Variants in ELAVL2 observed in about 807,000 individuals in gnomAD.
ELAVL2 encodes ELAV like RNA binding protein 2, also known as ELAV-like protein 2.
ELAVL2 carries 4 observed loss-of-function variants against 34.6 expected under a neutral mutation model. The ratio of observed to expected loss-of-function variants is 0.12; its 90% CI spans 0.06 to 0.26. The LOEUF is 0.26. Among genes scored for constraint, ELAVL2 ranks in the 10% least tolerant of loss-of-function variants. The pLI, the probability that ELAVL2 is intolerant of heterozygous loss-of-function variation, is 1.00. For synonymous variants in ELAVL2, 193 were observed against 154.8 expected, an observed-to-expected ratio of 1.25 and a Z score of -1.83; for missense variants, 432 against 442.8, an observed-to-expected ratio of 0.98 and a Z score of 0.22.
chr9:23,782,756 A>T (rs1467116485), intron 1 of ELAVL2, among the ~76,000 whole-genome samples: 2 of 152,224 alleles, frequency 1.3e-5, no homozygotes, highest in Non-Finnish European at 2.9e-5. Flanking sequence ...TCTGCCAATG[A>T]GGCGATTCTA....
In ELAVL2 at chr9:23,704,848, A is replaced by G. The variant is rs2038779069; in HGVS notation, c.487+70T>C. 7.0e-6 allele frequency: 11 copies of G among 1,581,548 alleles called. No individual in the cohort carries two copies. In the Admixed American group the frequency reaches 7.0e-5, roughly 10 times the overall value. On this transcript the variant is annotated intron_variant, in intron 4 of 6. Coordinates refer to ENST00000397312, the MANE Select transcript of ELAVL2 (RefSeq NM_004432.5). ...TTCTAGAAGCAAGACTGCTACATGGAAAGACAGAATATTTCACAATCTGCT... is the reference window on the plus strand; with the variant it reads ...TTCTAGAAGCAAGACTGCTACATGGGAAGACAGAATATTTCACAATCTGCT...
At chr9:23,693,113 C>A (rs1563889259) in intron 6 of ELAVL2, among the ~76,000 whole-genome samples, 1 of 152,184 alleles carries the variant, frequency 6.6e-6, no homozygotes, top group African/African-American at 2.4e-5. Flanking sequence ...ATTCACTGTA[C>A]TGAATATCAT....
chr9:23,733,377 C>G (rs2047078210), intron 2 of ELAVL2, among the ~76,000 whole-genome samples: 1 of 152,066 alleles, frequency 6.6e-6, no homozygotes, highest in African/African-American at 2.4e-5. Context: ...TTTTATCAGT[C>G]TGTCATGAAG....
At chr9:23,772,635 G>A (rs979171345) in intron 1 of ELAVL2, among the ~76,000 whole-genome samples, 3 of 151,448 alleles carry the variant, frequency 2.0e-5, no homozygotes, top group South Asian at 2.1e-4. Context: ...TGCCATCCCA[G>A]GGCACATAAA....
At chr9:23,812,438 G>C (rs925983958) in intron 1 of ELAVL2, among the ~76,000 whole-genome samples, 1 of 151,982 alleles carries the variant, frequency 6.6e-6, no homozygotes, top group Admixed American at 6.6e-5. Context: ...AGCTCCACGG[G>C]AATGACTCCC....
Position 23,691,366 on chromosome 9 carries a change from CA to C in ELAVL2, c.*1190del, listed in dbSNP as rs2033122556. On this transcript the variant is annotated 3_prime_UTR_variant, in exon 7 of 7. Transcript: ENST00000397312. Reference sequence around the variant, plus strand: ...CTTTCAAAATACCTTCAAATATATCCAACTCAGATCACTTTTGCTGATTTGC... The same window carrying C: ...CTTTCAAAATACCTTCAAATATATCCACTCAGATCACTTTTGCTGATTTGC... 6.6e-6 allele frequency: 1 copy of C among 152,494 alleles called. No individual in the cohort carries two copies. The highest frequency in any genetic ancestry group is 6.6e-5 in the Admixed American group (1 of 15,250). The allele number at this position is 152,494 out of a possible 1,614,324, so 9.4% of individuals were successfully genotyped here. A position where few individuals can be genotyped will look rare whatever the true frequency, so the allele number is the denominator to read the frequency against.
At chr9:23,729,015 C>T (rs1009253497) in intron 3 of ELAVL2, among the ~76,000 whole-genome samples, 1 of 152,114 alleles carries the variant, frequency 6.6e-6, no homozygotes, top group African/African-American at 2.4e-5. Context: ...TCCACATATT[C>T]AGCCCAAGCA....
chr9:23,759,098 CA>C (rs1369243156), intron 2 of ELAVL2, among the ~76,000 whole-genome samples: 2 of 151,946 alleles, frequency 1.3e-5, no homozygotes, highest in Non-Finnish European at 2.9e-5. Context: ...ATCAATTTGT[CA>C]AAAGGGATGC....
At chr9:23,797,347 C>T (rs1373231864) in intron 1 of ELAVL2, among the ~76,000 whole-genome samples, 1 of 152,168 alleles carries the variant, frequency 6.6e-6, no homozygotes, top group Non-Finnish European at 1.5e-5. Context: ...GTAATGCATG[C>T]TAAGTCCCTA....
chr9:23,749,249 A>C (rs751707825), intron 2 of ELAVL2, among the ~76,000 whole-genome samples: 2 of 152,132 alleles, frequency 1.3e-5, no homozygotes, highest in African/African-American at 4.8e-5. Flanking sequence ...CTAACATACT[A>C]TCATTAATGC....
chr9:23,792,844 C>A (rs958038641), intron 1 of ELAVL2, among the ~76,000 whole-genome samples: 2 of 152,146 alleles, frequency 1.3e-5, no homozygotes, highest in South Asian at 2.1e-4. Flanking sequence ...GGTCACAGCT[C>A]ACGGTGGCCT....
intron 1 of ELAVL2, among the ~76,000 whole-genome samples, chr9:23,825,589 T>G (rs1225208858): frequency 1.3e-5 from 2 of 152,174 alleles, no homozygotes; most frequent in African/African-American, 4.8e-5. Context: ...CCACTTAAGT[T>G]TCTGCCATGG....
intron 1 of ELAVL2, 90 bp from the exon 2 acceptor site, chr9:23,762,339 C>G: frequency 6.7e-7 from 1 of 1,492,538 alleles, no homozygotes; most frequent in Non-Finnish European, 9.0e-7. Context: ...TGTCACTAAA[C>G]ACAAGTCGTT....
At chr9:23,780,621 G>T (rs1400442500) in intron 1 of ELAVL2, among the ~76,000 whole-genome samples, 1 of 152,068 alleles carries the variant, frequency 6.6e-6, no homozygotes, top group African/African-American at 2.4e-5. Flanking sequence ...AATGGTCAAG[G>T]TTAAAGAAAT....
At position 23,693,434 on chromosome 9, in the gene ELAVL2, A is replaced by C. The variant is rs1587142789; in HGVS notation, c.752+14T>G. On this transcript the variant is annotated intron_variant, in intron 6 of 6. Transcript: ENST00000397312. ...TGGAAAGGGATTATGAGTATCATGA[A>C]CCTCTATCATTACCTCTTTACTCCA... 1.2e-6 allele frequency: 2 copies of C among 1,613,668 alleles called. No individual in the cohort carries two copies. The highest frequency in any genetic ancestry group is 1.3e-5 in the African/African-American group (1 of 74,860).
intron 2 of ELAVL2, among the ~76,000 whole-genome samples, chr9:23,754,138 A>G (rs899293996): frequency 6.7e-6 from 1 of 149,364 alleles, no homozygotes; most frequent in Admixed American, 6.6e-5. Flanking sequence ...GGAGTGACAC[A>G]TATTTTTTTT....
Position 23,737,133 on chromosome 9 carries a change from C to G in ELAVL2, c.230-6008G>C, listed in dbSNP as rs181549338. Among the ~76,000 whole-genome samples the G allele has an allele frequency of 3.3e-5, 5 of 152,288 alleles. No individual in the cohort carries two copies. In the East Asian group the frequency reaches 9.7e-4, roughly 29 times the overall value. On this transcript the variant is annotated intron_variant, in intron 2 of 6. Transcript: ENST00000397312. ...ATTTGGATGCTCCCTCACTAGACTG[C>G]TGAGCAAGGGCAAGCAGAACATAGT...
At chr9:23,742,764 A>G (rs1391220455) in intron 2 of ELAVL2, among the ~76,000 whole-genome samples, 4 of 152,192 alleles carry the variant, frequency 2.6e-5, no homozygotes, top group East Asian at 1.9e-4. Context: ...AAGTATAAAT[A>G]ACGTGATTTT....
At chr9:23,761,558 G>A (rs1034660886) in intron 2 of ELAVL2, among the ~76,000 whole-genome samples, 1 of 151,962 alleles carries the variant, frequency 6.6e-6, no homozygotes, top group African/African-American at 2.4e-5. Context: ...CACTGACAAT[G>A]TGAACATTAC....
Sources: allele counts gnomAD v4.1 joint callset (sites outside exome capture counted in the v4.1 genomes callset), GRCh38; gene constraint gnomAD v4.1.1; transcripts MANE v1.5; gene names NCBI Gene and HGNC (gene_info 2026-07-23, HGNC 2026-07-21).